Variants in RBFOX1 observed in about 807,000 individuals in gnomAD.
RBFOX1 encodes RNA binding protein fox-1 homolog 1.
Under a neutral mutation model 57.7 loss-of-function variants are expected in RBFOX1, and 8 were observed. That is an observed-to-expected ratio of 0.14 (90% CI 0.08 to 0.25). RBFOX1 has a LOEUF of 0.25. RBFOX1 is among the 10% of genes least tolerant of loss of function. The probability of loss-of-function intolerance (pLI) is 1.00; values close to 1 mark genes in which losing one functional copy is unlikely to be tolerated. For synonymous variants in RBFOX1, 326 were observed against 222.4 expected, an observed-to-expected ratio of 1.47 and a Z score of -4.15; for missense variants, 611 against 548.5, an observed-to-expected ratio of 1.11 and a Z score of -1.14.
chr16:7,212,568 A>G (rs533952654), intron 4 of RBFOX1, among the ~76,000 whole-genome samples: 13 of 152,304 alleles, frequency 8.5e-5, no homozygotes, highest in African/African-American at 3.1e-4. Context: ...TTTTCCAAGC[A>G]GAGTAGTCTC....
chr16:7,421,800 C>G (rs555755999), intron 4 of RBFOX1, among the ~76,000 whole-genome samples: 3 of 152,300 alleles, frequency 2.0e-5, no homozygotes, highest in African/African-American at 7.2e-5. Context: ...TTCTGACATG[C>G]AAAATAATGA....
At chr16:6,361,520 C>T (rs780702857) in intron 2 of RBFOX1, among the ~76,000 whole-genome samples, 11 of 151,534 alleles carry the variant, frequency 7.3e-5, no homozygotes, top group Admixed American at 3.3e-4. Context: ...TGCAGCTTCT[C>T]GGGAGGCTGA....
At chr16:7,333,097 A>T in intron 4 of RBFOX1, 2 of 1,612,260 alleles carry the variant, frequency 1.2e-6, no homozygotes, top group East Asian at 4.5e-5. Flanking sequence ...AGGTAATTCA[A>T]GGCCTCTGCC....
chr16:5,574,998 C>T (rs905753876), intron 2 of RBFOX1, among the ~76,000 whole-genome samples: 1 of 152,202 alleles, frequency 6.6e-6, no homozygotes, highest in Non-Finnish European at 1.5e-5. Flanking sequence ...TGTCCCCTGG[C>T]TAACCAGATA....
intron 2 of RBFOX1, among the ~76,000 whole-genome samples, chr16:6,555,917 A>G (rs143703049): frequency 6.6e-6 from 1 of 152,282 alleles, no homozygotes. Context: ...GATGGGGATC[A>G]TAGGCATTCG....
At chr16:6,100,758 C>T (rs1308912942) in intron 1 of RBFOX1, among the ~76,000 whole-genome samples, 1 of 152,120 alleles carries the variant, frequency 6.6e-6, no homozygotes, top group East Asian at 1.9e-4. Flanking sequence ...AATTAACTTG[C>T]CCAGGTTAAC....
At chr16:7,304,301 A>G (rs1464696296) in intron 4 of RBFOX1, 49 of 985,094 alleles carry the variant, frequency 5.0e-5, no homozygotes, top group Non-Finnish European at 5.7e-5. Flanking sequence ...AAAAAAGAAA[A>G]AAAAAAATTG....
chr16:7,177,495 A>AG (rs1305308044), intron 4 of RBFOX1, among the ~76,000 whole-genome samples: 6 of 151,984 alleles, frequency 3.9e-5, no homozygotes, highest in African/African-American at 1.5e-4. Context: ...CAATAAAAAA[A>AG]AAAAAGAATA....
chr16:7,181,794 C>T (rs972149850), intron 4 of RBFOX1, among the ~76,000 whole-genome samples: 4 of 152,086 alleles, frequency 2.6e-5, no homozygotes, highest in Non-Finnish European at 2.9e-5. Context: ...CTCCTGAGCT[C>T]AAGCGATCTG....
At chr16:7,453,942 G>A (rs761071328) in intron 4 of RBFOX1, among the ~76,000 whole-genome samples, 5 of 152,176 alleles carry the variant, frequency 3.3e-5, no homozygotes, top group Non-Finnish European at 7.3e-5. Flanking sequence ...GATTAAGAAA[G>A]CCATAGCCAG....
intron 3 of RBFOX1, among the ~76,000 whole-genome samples, chr16:6,764,150 C>T (rs1177465398): frequency 1.3e-5 from 2 of 152,246 alleles, no homozygotes; most frequent in East Asian, 3.9e-4. Flanking sequence ...GATGGGCATT[C>T]CCTAGTCCCC....
intron 2 of RBFOX1, among the ~76,000 whole-genome samples, chr16:6,566,774 C>A (rs1166235617): frequency 6.6e-6 from 1 of 152,188 alleles, no homozygotes; most frequent in Non-Finnish European, 1.5e-5. Flanking sequence ...AGCATGCTTA[C>A]CCTTTGCTTA....
rs537084052 is a variant in RBFOX1, at chr16:6,867,243, T to A, written c.-15-184814T>A. On this transcript the variant is annotated intron_variant, in intron 3 of 15. Coordinates refer to ENST00000550418, the MANE Select transcript of RBFOX1 (RefSeq NM_018723.4). ...CTGTAGGGGAAAAAAAAATACTTTTTTTCTTCCTTTTTTTTCCTTTCTGAT... is the reference window on the plus strand; with the variant it reads ...CTGTAGGGGAAAAAAAAATACTTTTATTCTTCCTTTTTTTTCCTTTCTGAT... Among the ~76,000 whole-genome samples the A allele has an allele frequency of 7.8e-4, 119 of 152,270 alleles. 8 individuals are homozygous for A. In the South Asian group the frequency reaches 0.024, roughly 31 times the overall value.
At chr16:6,994,266 A>T (rs2091940167) in intron 3 of RBFOX1, among the ~76,000 whole-genome samples, 1 of 152,156 alleles carries the variant, frequency 6.6e-6, no homozygotes, top group African/African-American at 2.4e-5. Context: ...TATCTAATGG[A>T]ATTCTGCCTT....
chr16:7,472,525 G>T (rs1038289904), intron 4 of RBFOX1, among the ~76,000 whole-genome samples: 1 of 152,144 alleles, frequency 6.6e-6, no homozygotes, highest in Non-Finnish European at 1.5e-5. Flanking sequence ...CTTTATTTTA[G>T]AATGCGATAT....
intron 2 of RBFOX1, among the ~76,000 whole-genome samples, chr16:6,467,876 A>G (rs2095085822): frequency 6.6e-6 from 1 of 152,224 alleles, no homozygotes; most frequent in Non-Finnish European, 1.5e-5. Context: ...ACTGAGTTTG[A>G]TAATGCAATC....
chr16:6,733,949 C>G (rs74006742), intron 3 of RBFOX1, among the ~76,000 whole-genome samples: 4,061 of 152,236 alleles, frequency 0.027, 191 homozygotes, highest in African/African-American at 0.092. Context: ...GCATCGTTGT[C>G]TATCTTTAAG....
chr16:6,588,318 G>T (rs531114594), intron 2 of RBFOX1, among the ~76,000 whole-genome samples: 6 of 151,704 alleles, frequency 4.0e-5, no homozygotes, highest in African/African-American at 1.2e-4. Context: ...AACATGCATC[G>T]CACTTAGTTG....
At chr16:5,816,897 A>G (rs1456411911) in intron 3 of RBFOX1, among the ~76,000 whole-genome samples, 2 of 152,162 alleles carry the variant, frequency 1.3e-5, no homozygotes, top group Non-Finnish European at 2.9e-5. Flanking sequence ...AGGTGTACAT[A>G]TTTATGGAGT....
Sources: allele counts gnomAD v4.1 joint callset (sites outside exome capture counted in the v4.1 genomes callset), GRCh38; gene constraint gnomAD v4.1.1; transcripts MANE v1.5; gene names NCBI Gene and HGNC (gene_info 2026-07-23, HGNC 2026-07-21).